The following SCG3 variants were observed in gnomAD, a reference collection of about 807,000 sequenced individuals.
The protein encoded by SCG3 is secretogranin-3.
SCG3 carries 38 observed loss-of-function variants against 56.2 expected under a neutral mutation model. The ratio of observed to expected loss-of-function variants is 0.68; its 90% CI spans 0.52 to 0.89. The LOEUF is 0.89. Ranked by LOEUF, SCG3 falls within the 40% of genes least tolerant of loss-of-function variation. The pLI is 0.00. For missense variants in SCG3, 524 were observed against 540.7 expected, an observed-to-expected ratio of 0.97 and a Z score of 0.31; for synonymous variants, 176 against 184.2, an observed-to-expected ratio of 0.96 and a Z score of 0.36.
Position 51,681,723 on chromosome 15 carries a change from C to T in SCG3, c.-33C>T. On this transcript the variant is annotated 5_prime_UTR_variant, in exon 1 of 12. Transcript: ENST00000220478. ...AAAAGCTACAGCTCCAGGAGCCCAG[C>T]GCCGGGCTGTGACCCAAGCCGAGCG... is the stretch of plus-strand genomic sequence containing the variant. 6.3e-7 allele frequency: 1 copy of T among 1,576,924 alleles called. No individual in the cohort carries two copies. The highest frequency in any genetic ancestry group is 8.7e-7 in the Non-Finnish European group (1 of 1,146,872).
At chr15:51,685,147 G>T (rs1352159461) in intron 4 of SCG3, among the ~76,000 whole-genome samples, 1 of 152,152 alleles carries the variant, frequency 6.6e-6, no homozygotes, top group African/African-American at 2.4e-5. Flanking sequence ...GAGGCAATGG[G>T]TTTATATTTT....
chr15:51,695,650 T>A (rs2055297880), intron 7 of SCG3: 1 of 386,616 alleles, frequency 2.6e-6, no homozygotes, highest in Non-Finnish European at 4.6e-6. Flanking sequence ...TCCAACTTCA[T>A]GGAAGGATCT....
rs769649260 is a variant in SCG3, at chr15:51,699,420, T to C, written c.1069+18T>C. 5.4e-6 allele frequency: 8 copies of C among 1,484,134 alleles called. No individual in the cohort carries two copies. The African/African-American group carries it at 1.1e-4, about 21-fold the overall frequency. The allele number at this position is 1,484,134 out of a possible 1,614,324, so 91.9% of individuals were successfully genotyped here. A position where few individuals can be genotyped will look rare whatever the true frequency, so the allele number is the denominator to read the frequency against. On this transcript the variant is annotated intron_variant, in intron 9 of 11. Transcript: ENST00000220478. ...TTTCCCAGGTATGATTATTTAACTA[T>C]TTTTTTAGCCTTTAGAATAATAACC...
At chr15:51,689,067 T>G in intron 5 of SCG3, 152 bp from the exon 6 acceptor site, 1 of 773,484 alleles carries the variant, frequency 1.3e-6, no homozygotes, top group Non-Finnish European at 2.2e-6. Flanking sequence ...ACAGCCAGCA[T>G]GTGGTGCAGG....
At chr15:51,713,155 C>A in intron 10 of SCG3, 178 bp from the exon 11 acceptor site, 1 of 425,610 alleles carries the variant, frequency 2.3e-6, no homozygotes, top group South Asian at 2.5e-5. Flanking sequence ...TGACCTAAAC[C>A]CCTCAACACA....
intron 10 of SCG3, among the ~76,000 whole-genome samples, chr15:51,703,761 G>A (rs1472867620): frequency 1.3e-5 from 2 of 152,122 alleles, no homozygotes; most frequent in African/African-American, 4.8e-5. Context: ...GGACTTTTTT[G>A]AGACAGGGCT....
intron 10 of SCG3, among the ~76,000 whole-genome samples, chr15:51,709,374 C>A (rs1043681596): frequency 6.6e-6 from 1 of 151,996 alleles, no homozygotes; most frequent in Non-Finnish European, 1.5e-5. Context: ...CACAGCCCAA[C>A]CATATCAGAC....
chr15:51,713,023 C>G (rs1567223273), intron 10 of SCG3: 2 of 240,898 alleles, frequency 8.3e-6, no homozygotes, highest in Non-Finnish European at 8.0e-6. Context: ...ATCTAGTAAA[C>G]TGAATCAAAA....
At chr15:51,711,043 A>G (rs989241739) in intron 10 of SCG3, among the ~76,000 whole-genome samples, 6 of 152,228 alleles carry the variant, frequency 3.9e-5, no homozygotes, top group Admixed American at 1.3e-4. Context: ...AAAAAAGCCA[A>G]TATAAGGTGT....
intron 8 of SCG3, among the ~76,000 whole-genome samples, chr15:51,696,828 A>G (rs1370301694): frequency 6.6e-6 from 1 of 152,120 alleles, no homozygotes; most frequent in African/African-American, 2.4e-5. Flanking sequence ...TTGGTGAGAA[A>G]TCGCCCCCAT....
At chr15:51,692,047 A>G in intron 6 of SCG3, 112 bp from the exon 7 acceptor site, 4 of 999,782 alleles carry the variant, frequency 4.0e-6, no homozygotes, top group Non-Finnish European at 5.8e-6. Context: ...CTTGCAAACG[A>G]GGGGGAATTC....
chr15:51,681,723 C>G lies in SCG3; in HGVS notation c.-33C>G, dbSNP rs758175839. 3.2e-6 allele frequency: 5 copies of G among 1,576,806 alleles called. No individual in the cohort carries two copies. The highest frequency in any genetic ancestry group is 1.7e-5 in the Admixed American group (1 of 59,818). ...AAAAGCTACAGCTCCAGGAGCCCAG[C>G]GCCGGGCTGTGACCCAAGCCGAGCG... On this transcript the variant is annotated 5_prime_UTR_variant, in exon 1 of 12. Transcript: ENST00000220478.
At chr15:51,691,998 G>C (rs1236904990) in intron 6 of SCG3, among the ~76,000 whole-genome samples, 161 bp from the exon 7 acceptor site, 1 of 152,174 alleles carries the variant, frequency 6.6e-6, no homozygotes, top group Non-Finnish European at 1.5e-5. Context: ...CAAATGACAA[G>C]AGCACACATA....
chr15:51,689,924 T>C (rs997694104), intron 6 of SCG3, among the ~76,000 whole-genome samples: 1 of 152,222 alleles, frequency 6.6e-6, no homozygotes, highest in African/African-American at 2.4e-5. Flanking sequence ...GATTACATCT[T>C]ATACCCCACA....
chr15:51,689,778 C>A (rs928252703), intron 6 of SCG3, among the ~76,000 whole-genome samples: 1 of 151,446 alleles, frequency 6.6e-6, no homozygotes, highest in Non-Finnish European at 1.5e-5. Flanking sequence ...CAGAGTGAGA[C>A]CCTGTCTCAA....
intron 8 of SCG3, among the ~76,000 whole-genome samples, chr15:51,698,584 C>T (rs2055319399): frequency 6.6e-6 from 1 of 152,152 alleles, no homozygotes; most frequent in Non-Finnish European, 1.5e-5. Context: ...AATTTATTGC[C>T]ACGTATAACT....
Position 51,719,636 on chromosome 15 carries a change from T to C in SCG3, c.*110T>C. On this transcript the variant is annotated 3_prime_UTR_variant, in exon 12 of 12. Transcript: ENST00000220478. ...TTTTGACCCAAGGGTTATTAGAAAG[T>C]GCTGAATTTACAGTAGTTAACCTTT... 1.4e-6 allele frequency: 1 copy of C among 715,544 alleles called. No homozygotes were observed. Among genetic ancestry groups the C allele is most frequent in the Non-Finnish European group, 2.3e-6 (1 of 431,450 alleles). 44.3% of individuals were successfully genotyped at this position (715,544 alleles called of 1,614,324 possible).
intron 8 of SCG3, among the ~76,000 whole-genome samples, chr15:51,696,978 A>T (rs1400517272): frequency 6.6e-6 from 1 of 152,188 alleles, no homozygotes. Flanking sequence ...TTTTTTCTAA[A>T]TGAAAGTAGT....
In SCG3 at chr15:51,719,471, G is replaced by A. The variant is rs762892069; in HGVS notation, c.1352G>A (p.Gly451Asp). ...CAAGCTGATGCTTATGTGGAGAAAG[G>A]CATCCTTGACAAGGAAGAAGCCGAG... ...NKQADAYVEKGILDKEEAEAI... is the reference protein window; with the variant it reads ...NKQADAYVEKDILDKEEAEAI... The change falls in exon 12 of 12, where the codon GGC becomes GAC. Residue 451 changes from glycine to aspartate, a missense_variant. By Grantham distance (94) the Gly-to-Asp change is moderately conservative. Coordinates refer to ENST00000220478, the MANE Select transcript of SCG3 (RefSeq NM_013243.4). 3 of 1,614,068 alleles carry A rather than the reference G, an allele frequency of 1.9e-6. No homozygotes were observed. The highest frequency in any genetic ancestry group is 2.5e-6 in the Non-Finnish European group (3 of 1,179,972).
Sources: gnomAD v4.1 joint callset for allele counts (sites outside exome capture counted in the v4.1 genomes callset) on GRCh38, gnomAD v4.1.1 for gene constraint, MANE v1.5 for transcripts, NCBI Gene and HGNC (gene_info 2026-07-23, HGNC 2026-07-21) for gene names.